ARHGAP22: variants seen among roughly 807,000 people sequenced by gnomAD.
The protein encoded by ARHGAP22 is Rho GTPase activating protein 22.
Under a neutral mutation model 59.1 loss-of-function variants are expected in ARHGAP22, and 48 were observed. The ratio of observed to expected loss-of-function variants is 0.81; its 90% confidence interval spans 0.64 to 1.03. The LOEUF (loss-of-function observed/expected upper bound fraction) is 1.03. Ranked by LOEUF, ARHGAP22 falls within the 50% of genes least tolerant of loss-of-function variation. The probability of loss-of-function intolerance (pLI) is 0.00; values close to 1 mark genes in which losing one functional copy is unlikely to be tolerated. For missense variants in ARHGAP22, 1,015 were observed against 958.7 expected (o/e 1.06, Z -0.78); for synonymous variants, 445 against 416.4 (o/e 1.07, Z -0.84).
intron 9 of ARHGAP22, among the ~76,000 whole-genome samples, chr10:48,448,939 A>C (rs1298314835): frequency 6.6e-6 from 1 of 152,180 alleles, no homozygotes; most frequent in East Asian, 1.9e-4. Flanking sequence ...CTGGGGCCCA[A>C]AGATCCTGCC....
At position 48,479,620 on chromosome 10, in the gene ARHGAP22, G is replaced by A. The variant is rs759934398; in HGVS notation, c.451+16C>T. ...CAAGGGTTCTAGAGGGTGGGCATGC[G>A]ATCTACGGGCAGTACCTCCGCCCAG... On this transcript the variant is annotated intron_variant, in intron 4 of 9. Coordinates refer to ENST00000249601, the MANE Select transcript of ARHGAP22 (RefSeq NM_021226.4). 7.4e-6 allele frequency: 12 copies of A among 1,613,880 alleles called. No individual in the cohort carries two copies. Among genetic ancestry groups the A allele is most frequent in the Admixed American group, 1.7e-5 (1 of 59,996 alleles).
At position 48,460,042 on chromosome 10, in the gene ARHGAP22, G is replaced by A. The variant is rs1259785413; in HGVS notation, c.452-151C>T. The A allele has an allele frequency of 4.9e-6, 4 of 811,764 alleles. No homozygotes were observed. In the African/African-American group the frequency reaches 5.1e-5, roughly 10 times the overall value. The allele number at this position is 811,764 out of a possible 1,614,324, so 50.3% of individuals were successfully genotyped here. ...CTGGGAGGATGCATACCAGAAGGCT[G>A]TGCCCTGGCCGCCCGGACACATGCT... On this transcript the variant is annotated intron_variant, in intron 4 of 9. Transcript: ENST00000249601.
At chr10:48,566,068 T>C (rs543648060) in intron 2 of ARHGAP22, among the ~76,000 whole-genome samples, 1 of 152,300 alleles carries the variant, frequency 6.6e-6, no homozygotes, top group Admixed American at 6.5e-5. Flanking sequence ...TTCAGCTCTT[T>C]TCAACATGAT....
intron 2 of ARHGAP22, among the ~76,000 whole-genome samples, chr10:48,572,996 G>C (rs1016596344): frequency 4.6e-5 from 7 of 152,184 alleles, no homozygotes; most frequent in Admixed American, 1.3e-4. Context: ...CATGTATCTT[G>C]CAGAGTTGCT....
chr10:48,584,791 G>A (rs2059325782), intron 1 of ARHGAP22, among the ~76,000 whole-genome samples: 1 of 152,186 alleles, frequency 6.6e-6, no homozygotes, highest in African/African-American at 2.4e-5. Flanking sequence ...TCAGGAGATT[G>A]AGACCGTCTT....
chr10:48,623,147 C>A (rs2061338797), intron 1 of ARHGAP22, among the ~76,000 whole-genome samples: 1 of 152,206 alleles, frequency 6.6e-6, no homozygotes, highest in South Asian at 2.1e-4. Context: ...TGGAGACAGT[C>A]CTATCTTGTT....
chr10:48,618,213 G>A (rs2061156216), intron 1 of ARHGAP22, among the ~76,000 whole-genome samples: 1 of 151,936 alleles, frequency 6.6e-6, no homozygotes, highest in South Asian at 2.1e-4. Flanking sequence ...GTAATTAAAT[G>A]TCTCCCATCA....
At chr10:48,584,626 T>G (rs1349560406) in intron 1 of ARHGAP22, among the ~76,000 whole-genome samples, 1 of 152,212 alleles carries the variant, frequency 6.6e-6, no homozygotes, top group East Asian at 1.9e-4. Flanking sequence ...TAAGTCATGG[T>G]GGTCAAATAT....
intron 3 of ARHGAP22, among the ~76,000 whole-genome samples, chr10:48,522,872 C>G (rs928580895): frequency 2.0e-5 from 3 of 152,256 alleles, no homozygotes; most frequent in African/African-American, 7.2e-5. Flanking sequence ...AACCACAGAT[C>G]ATACCTCATA....
chr10:48,482,032 A>C (rs2049374850), intron 3 of ARHGAP22, among the ~76,000 whole-genome samples: 1 of 152,204 alleles, frequency 6.6e-6, no homozygotes, highest in Admixed American at 6.5e-5. Flanking sequence ...TTTGCTTTGC[A>C]AATATTTCTC....
chr10:48,517,627 T>C (rs1202412327), intron 3 of ARHGAP22, among the ~76,000 whole-genome samples: 1 of 152,104 alleles, frequency 6.6e-6, no homozygotes, highest in African/African-American at 2.4e-5. Context: ...TCTGGAGCCA[T>C]GAGAGCCAAC....
upstream of ARHGAP22, among the ~76,000 whole-genome samples, chr10:48,609,687 T>TGG (rs2060806514): frequency 6.6e-6 from 1 of 152,166 alleles, no homozygotes; most frequent in African/African-American, 2.4e-5. Context: ...CTGGACCTTG[T>TGG]TCCAGCACCA....
chr10:48,456,131 G>C (rs772145607), intron 5 of ARHGAP22, among the ~76,000 whole-genome samples: 28 of 152,168 alleles, frequency 1.8e-4, no homozygotes, highest in Non-Finnish European at 3.2e-4. Flanking sequence ...ATGGGCCCCA[G>C]GTTGTTCATC....
chr10:48,432,848 C>G, the ARHGAP22 span, among the ~76,000 whole-genome samples: 1 of 152,094 alleles, frequency 6.6e-6, no homozygotes, highest in African/African-American at 2.4e-5. Flanking sequence ...TTTCTGGATC[C>G]TCAGTTATAG....
chr10:48,572,399 G>C (rs1310734420), intron 2 of ARHGAP22, among the ~76,000 whole-genome samples: 2 of 152,188 alleles, frequency 1.3e-5, no homozygotes, highest in Admixed American at 6.5e-5. Flanking sequence ...ACAAGAGATG[G>C]ATGTCAGTAA....
At chr10:48,616,291 A>G (rs1480435247) in intron 1 of ARHGAP22, among the ~76,000 whole-genome samples, 1 of 152,168 alleles carries the variant, frequency 6.6e-6, no homozygotes, top group Non-Finnish European at 1.5e-5. Flanking sequence ...GGGAAACCAA[A>G]CATATATGTG....
At chr10:48,492,575 T>C (rs1469468572) in intron 3 of ARHGAP22, among the ~76,000 whole-genome samples, 1 of 152,138 alleles carries the variant, frequency 6.6e-6, no homozygotes, top group Non-Finnish European at 1.5e-5. Flanking sequence ...TTTTTCAAGA[T>C]GGAGTTTCAC....
At chr10:48,653,910 G>T (rs75444403), upstream of ARHGAP22, among the ~76,000 whole-genome samples, 1 of 152,156 alleles carries the variant, frequency 6.6e-6, no homozygotes, top group Non-Finnish European at 1.5e-5. Context: ...TAAATATTGC[G>T]TGGGACATAA....
At chr10:48,555,404 G>A in intron 3 of ARHGAP22, 59 bp downstream of exon 3, 3 of 1,548,602 alleles carry the variant, frequency 1.9e-6, no homozygotes, top group Non-Finnish European at 2.7e-6. Flanking sequence ...CCCTTCCCAG[G>A]CCAGGGGCAT....
Sources: gnomAD v4.1 joint callset for allele counts (sites outside exome capture counted in the v4.1 genomes callset) on GRCh38, gnomAD v4.1.1 for gene constraint, MANE v1.5 for transcripts, NCBI Gene and HGNC (gene_info 2026-07-23, HGNC 2026-07-21) for gene names.